Variants in RANBP17 observed in about 807,000 individuals in gnomAD.
RANBP17 encodes the protein ran-binding protein 17.
A neutral mutation model predicts 141.2 loss-of-function variants in RANBP17; 158 were observed. That is an observed-to-expected ratio of 1.12 (90% CI 0.98 to 1.28). RANBP17 has a LOEUF of 1.28. RANBP17 is among the 50% of genes most tolerant of loss of function. RANBP17 has a pLI of 0.00. For synonymous variants in RANBP17, 430 were observed against 450.0 expected (o/e 0.96, Z 0.56); for missense variants, 1,438 against 1,290.7 (o/e 1.11, Z -1.75).
intron 14 of RANBP17, among the ~76,000 whole-genome samples, chr5:170,992,946 A>G (rs1484892827): frequency 1.3e-5 from 2 of 152,104 alleles, no homozygotes; most frequent in Admixed American, 6.6e-5. Context: ...CCTTCACGTA[A>G]TTCTGATGCT....
intron 24 of RANBP17, chr5:171,252,608 A>G: frequency 7.4e-7 from 1 of 1,354,190 alleles, no homozygotes; most frequent in South Asian, 1.2e-5. Flanking sequence ...AAATATAAGG[A>G]TCAACTTCAT....
intron 18 of RANBP17, among the ~76,000 whole-genome samples, chr5:171,185,601 A>T (rs562402491): frequency 1.3e-5 from 2 of 152,114 alleles, no homozygotes; most frequent in African/African-American, 2.4e-5. Flanking sequence ...AGAAGAAGCA[A>T]CTCCTCATCC....
chr5:170,939,400 TTTAA>T lies in RANBP17; in HGVS notation c.1469-14196_1469-14193del, dbSNP rs1419747939. Among the ~76,000 whole-genome samples, 103 of 146,540 alleles carry T rather than the reference TTTAA, an allele frequency of 7.0e-4. 1 individual carries two copies. The highest frequency in any genetic ancestry group is 1.1e-3 in the Non-Finnish European group (73 of 66,696). ...ATTTATTTATTTATTTATTTATTTA[TTTAA>T]GATGCAGTCTTGCCCTGTCAACCAG... On this transcript the variant is annotated intron_variant, in intron 12 of 27. Transcript: ENST00000523189.
chr5:171,224,930 G>A (rs936932063), intron 22 of RANBP17, among the ~76,000 whole-genome samples: 1 of 152,184 alleles, frequency 6.6e-6, no homozygotes, highest in Non-Finnish European at 1.5e-5. Flanking sequence ...CCTTGGTTAA[G>A]TTGTAAGCCT....
chr5:170,944,531 G>T (rs2127481243), intron 12 of RANBP17, among the ~76,000 whole-genome samples: 1 of 152,284 alleles, frequency 6.6e-6, no homozygotes, highest in East Asian at 1.9e-4. Context: ...GCCTCCCAAA[G>T]TGCTGGTATT....
chr5:171,109,729 G>A (rs959158919), intron 14 of RANBP17, among the ~76,000 whole-genome samples: 1 of 152,016 alleles, frequency 6.6e-6, no homozygotes, highest in South Asian at 2.1e-4. Flanking sequence ...TGTTCAGTAC[G>A]GTTGCAACCA....
chr5:171,210,432 T>C (rs909144425), intron 20 of RANBP17, among the ~76,000 whole-genome samples: 3 of 152,310 alleles, frequency 2.0e-5, no homozygotes, highest in Admixed American at 1.3e-4. Context: ...GTGAATACTG[T>C]GTGCTCTGAA....
intron 14 of RANBP17, among the ~76,000 whole-genome samples, chr5:171,000,145 G>C (rs1779102017): frequency 6.6e-6 from 1 of 152,092 alleles, no homozygotes; most frequent in African/African-American, 2.4e-5. Context: ...TCATTCATCA[G>C]TAGACACTTG....
At chr5:170,907,928 C>T (rs1771203840) in intron 5 of RANBP17, among the ~76,000 whole-genome samples, 1 of 151,668 alleles carries the variant, frequency 6.6e-6, no homozygotes. Flanking sequence ...AGAAATGTTC[C>T]ACATTACTCA....
chr5:171,274,147 T>C (rs373812793), intron 25 of RANBP17, among the ~76,000 whole-genome samples: 5,494 of 122,700 alleles, frequency 0.045, 134 homozygotes, highest in South Asian at 0.079. Context: ...TGTGTGTGTG[T>C]GTGCGCGCGC....
intron 14 of RANBP17, among the ~76,000 whole-genome samples, chr5:171,109,811 T>G (rs1170837740): frequency 6.6e-6 from 1 of 152,188 alleles, no homozygotes; most frequent in African/African-American, 2.4e-5. Flanking sequence ...AGTGAGAAAT[T>G]GAGAACATGA....
rs189034446 is a variant in RANBP17 at position 171,136,734 on chromosome 5, T to C, written c.1711-33396T>C. ...ATGTATTACTTCCTAGCTTAGGTCT[T>C]TTCTAGCTCACTCTGCCTTTGGTGG... On this transcript the variant is annotated intron_variant, in intron 14 of 27. Coordinates refer to ENST00000523189, the MANE Select transcript of RANBP17 (RefSeq NM_022897.5). Among the ~76,000 whole-genome samples the C allele has an allele frequency of 2.6e-3, 402 of 152,290 alleles. 1 individual carries two copies. The highest frequency in any genetic ancestry group is 4.9e-3 in the Non-Finnish European group (332 of 68,008).
At chr5:170,943,712 A>G (rs1235324626) in intron 12 of RANBP17, among the ~76,000 whole-genome samples, 1 of 152,120 alleles carries the variant, frequency 6.6e-6, no homozygotes, top group African/African-American at 2.4e-5. Context: ...GTGTATTTAC[A>G]TGGTTCTTTA....
chr5:170,902,207 G>A (rs1326581172), intron 5 of RANBP17, among the ~76,000 whole-genome samples: 1 of 152,046 alleles, frequency 6.6e-6, no homozygotes, highest in Non-Finnish European at 1.5e-5. Context: ...TTTCTTGGAG[G>A]CTTTGTTGAT....
At chr5:171,243,105 A>G in intron 24 of RANBP17, 1 of 330,578 alleles carries the variant, frequency 3.0e-6, no homozygotes, top group South Asian at 4.6e-5. Flanking sequence ...GTGTACATGT[A>G]CACAAACATA....
intron 14 of RANBP17, among the ~76,000 whole-genome samples, chr5:171,151,371 G>A (rs1384976021): frequency 6.6e-6 from 1 of 152,054 alleles, no homozygotes; most frequent in East Asian, 1.9e-4. Flanking sequence ...TTAGGATATT[G>A]GCAGGACTTG....
intron 22 of RANBP17, among the ~76,000 whole-genome samples, chr5:171,236,470 T>C (rs1433082849): frequency 1.3e-5 from 2 of 152,184 alleles, no homozygotes; most frequent in Non-Finnish European, 2.9e-5. Context: ...GCTAATTCTC[T>C]ATTGAAGAAA....
Position 170,924,539 on chromosome 5 carries a change from C to A in RANBP17, c.1457C>A (p.Thr486Asn). Residue 486 changes from threonine to asparagine, a missense_variant, in exon 12 of 28, where the codon ACC becomes AAC. Transcript: ENST00000523189. ...HPYSGVTVDI[T>N]IQEGRLAWLV... ...TATTCTGGTGTAACTGTGGACATCA[C>A]CATTCAGGAAGGTCAGTAAACTTTA... 3 of 1,596,150 alleles carry A rather than the reference C, an allele frequency of 1.9e-6. No individual in the cohort carries two copies. The highest frequency in any genetic ancestry group is 2.6e-6 in the Non-Finnish European group (3 of 1,165,908).
chr5:171,101,154 T>A (rs1787132350), intron 14 of RANBP17, among the ~76,000 whole-genome samples: 1 of 152,210 alleles, frequency 6.6e-6, no homozygotes, highest in Non-Finnish European at 1.5e-5. Flanking sequence ...CTGAATATCC[T>A]TGCTAATTTT....
Sources: allele counts gnomAD v4.1 joint callset (sites outside exome capture counted in the v4.1 genomes callset), GRCh38; gene constraint gnomAD v4.1.1; transcripts MANE v1.5; gene names NCBI Gene and HGNC (gene_info 2026-07-23, HGNC 2026-07-21).